EXOSC9: variants seen among roughly 807,000 people sequenced by gnomAD.
The protein encoded by EXOSC9 is exosome component 9, also known as exosome complex component RRP45.
Under a neutral mutation model 56.5 loss-of-function variants are expected in EXOSC9, and 38 were observed. The observed-to-expected ratio is 0.67, with a 90% CI of 0.52 to 0.88. EXOSC9 has a LOEUF of 0.88. Among genes scored for constraint, EXOSC9 ranks in the 40% least tolerant of loss-of-function variants. The probability of loss-of-function intolerance (pLI) is 0.00; values close to 1 mark genes in which losing one functional copy is unlikely to be tolerated. For missense variants in EXOSC9, 559 were observed against 530.5 expected, an observed-to-expected ratio of 1.05 and a Z score of -0.53; for synonymous variants, 170 against 170.8, an observed-to-expected ratio of 0.99 and a Z score of 0.04.
chr4:121,815,798 A>G (rs1724474426), intron 10 of EXOSC9: 1 of 1,015,440 alleles, frequency 9.8e-7, no homozygotes, highest in Non-Finnish European at 1.2e-6. Flanking sequence ...AGTTGTCTCT[A>G]CAAAAGATGC....
Position 121,814,052 on chromosome 4 carries a change from G to T in EXOSC9, c.1156+5G>T. On this transcript the variant is annotated splice_donor_5th_base_variant and intron_variant, in intron 10 of 11. Coordinates refer to ENST00000243498, the MANE Select transcript of EXOSC9 (RefSeq NM_005033.3). ...TCTCTGATATTGGAAGCCAAGGTAG[G>T]TGACACTTTATGGCACACTTACTAT... 1 of 1,571,096 alleles carries T rather than the reference G, an allele frequency of 6.4e-7. No homozygotes were observed. The highest frequency in any genetic ancestry group is 8.6e-7 in the Non-Finnish European group (1 of 1,163,362).
Position 121,801,846 on chromosome 4 carries a change from C to A in EXOSC9, c.86C>A (p.Thr29Asn). 1 of 1,613,676 alleles carries A rather than the reference C, an allele frequency of 6.2e-7. No homozygotes were observed. The highest frequency in any genetic ancestry group is 1.1e-5 in the South Asian group (1 of 91,066). Residue 29 changes from threonine (T) to asparagine (N), a missense_variant, in exon 2 of 12, where the codon ACC (threonine) becomes AAC (asparagine). Thr to Asn is a moderately conservative substitution (Grantham distance 65). Coordinates refer to ENST00000243498, the MANE Select transcript of EXOSC9 (RefSeq NM_005033.3). ...EEKKRLDGRQ[T>N]YDYRNIRISF... is the part of the protein sequence containing the mutation. ...TTACAGCGGCTGGATGGCAGACAAA[C>A]CTATGATTATAGGAACATCAGGATC...
chr4:121,813,200 C>A (rs773357888), intron 8 of EXOSC9, 34 bp from the exon 9 acceptor site: 20 of 1,584,360 alleles, frequency 1.3e-5, no homozygotes, highest in Non-Finnish European at 1.6e-5. Flanking sequence ...CCTTCCTCCC[C>A]CTTCCTTCCC....
rs771187385 is a variant in EXOSC9 at position 121,809,959 on chromosome 4, C to G, written c.606-8C>G. 4 of 1,614,030 alleles carry G rather than the reference C, an allele frequency of 2.5e-6. No individual in the cohort carries two copies. Among genetic ancestry groups the G allele is most frequent in the Middle Eastern group, 1.6e-4 (1 of 6,062 alleles). Reference sequence around the variant, plus strand: ...GATTTGTTCAGGTCCATTTAACATTCATTTCAGAACATATTTATTGGTGGA... The same window carrying G: ...GATTTGTTCAGGTCCATTTAACATTGATTTCAGAACATATTTATTGGTGGA... On this transcript the variant is annotated splice_region_variant and splice_polypyrimidine_tract_variant and intron_variant, in intron 6 of 11. Coordinates refer to ENST00000243498, the MANE Select transcript of EXOSC9 (RefSeq NM_005033.3).
intron 5 of EXOSC9, among the ~76,000 whole-genome samples, chr4:121,807,178 T>C (rs1727045651): frequency 6.6e-6 from 1 of 152,100 alleles, no homozygotes; most frequent in Admixed American, 6.5e-5. Flanking sequence ...TAATCCCACC[T>C]ACTTGGGAGG....
chr4:121,813,866 T>G lies in EXOSC9; in HGVS notation c.975T>G (p.Val325=). ...TACTCAGTTTTCTTAACTTGTTAAG[T>G]GTTTCTACACCTGTGCTATGGACTC... ...IIAEAEPPSE[V]VSTPVLWTPG... is the part of the protein sequence containing the mutation. Residue 325 remains valine (V), a splice_region_variant and synonymous_variant, in exon 10 of 12, where the codon GTT becomes GTG. Transcript: ENST00000243498. 2 of 1,599,054 alleles carry G rather than the reference T, an allele frequency of 1.3e-6. No homozygotes were observed. Among genetic ancestry groups the G allele is most frequent in the Non-Finnish European group, 1.7e-6 (2 of 1,170,958 alleles).
chr4:121,804,650 T>C lies in EXOSC9; in HGVS notation c.413T>C (p.Leu138Ser), dbSNP rs1351577815. The change falls in exon 5 of 12, where the codon TTA becomes TCA. Residue 138 changes from leucine (L) to serine (S), a missense_variant. Physicochemically the swap from Leu to Ser is moderately radical, Grantham distance 145. Coordinates refer to ENST00000243498, the MANE Select transcript of EXOSC9 (RefSeq NM_005033.3). ...KVWQIRVDLH[L>S]LNHDGNIIDA... ...TGGCAAATACGTGTAGACCTACATT[T>C]ATTAAATCATGATGGAAATATTATT... 1 of 1,605,468 alleles carries C rather than the reference T, an allele frequency of 6.2e-7. No homozygotes were observed. Among genetic ancestry groups the C allele is most frequent in the Non-Finnish European group, 8.5e-7 (1 of 1,172,788 alleles).
rs72915963 is a variant in EXOSC9, at chr4:121,816,674, C to T, written c.1236-98C>T. The T allele has an allele frequency of 6.6e-4, 811 of 1,233,940 alleles. 5 individuals carry two copies. In the African/African-American group the frequency reaches 0.012, roughly 18 times the overall value. 76.4% of individuals were successfully genotyped at this position (1,233,940 alleles called of 1,614,324 possible). A position where few individuals can be genotyped will look rare whatever the true frequency, so the allele number is the denominator to read the frequency against. ...ATGCCAGTCTTACTCATAGCTGACA[C>T]ATTTTAGATCCTACTGGAAAACTAA... On this transcript the variant is annotated intron_variant, in intron 11 of 11. Transcript: ENST00000243498.
rs1220942967 is a variant in EXOSC9 at position 121,816,398 on chromosome 4, G to T, written c.1186G>T (p.Glu396Ter). ...DAPIILSDSE[E>*]EEMIILEPDK... ...TCCCATAATACTCTCAGATAGTGAA[G>T]AAGAAGAAATGATCATTTTGGAACC... The change falls in exon 11 of 12, where the codon GAA becomes TAA. Residue 396 changes from glutamate to a stop codon, truncating the protein, a stop_gained. Transcript: ENST00000243498. LOFTEE classifies it high-confidence loss of function. The T allele has an allele frequency of 6.4e-7, 1 of 1,564,898 alleles. No homozygotes were observed. Among genetic ancestry groups the T allele is most frequent in the Admixed American group, 2.0e-5 (1 of 50,586 alleles).
Position 121,816,360 on chromosome 4 carries a change from AAAAC to A in EXOSC9, c.1157-5_1157-2del, listed in dbSNP as rs1724506511. The A allele has an allele frequency of 6.8e-7, 1 of 1,476,070 alleles. No homozygotes were observed. Among genetic ancestry groups the A allele is most frequent in the African/African-American group, 1.4e-5 (1 of 69,302 alleles). The allele number at this position is 1,476,070 out of a possible 1,614,324, so 91.4% of individuals were successfully genotyped here. ...TTTTTTTTTTTTTTAAATTAATAAA[AAAAC>A]AAAGATGCTCCCATAATACTCTCAG... On this transcript the variant is annotated splice_polypyrimidine_tract_variant and splice_region_variant and intron_variant, in intron 10 of 11. Coordinates refer to ENST00000243498, the MANE Select transcript of EXOSC9 (RefSeq NM_005033.3).
intron 6 of EXOSC9, among the ~76,000 whole-genome samples, chr4:121,809,337 T>C (rs940267305): frequency 3.9e-5 from 6 of 152,006 alleles, no homozygotes; most frequent in African/African-American, 1.4e-4. Context: ...AAGGTAAAAT[T>C]AATTTTTATA....
chr4:121,808,699 A>G (rs1178046284), intron 6 of EXOSC9, among the ~76,000 whole-genome samples: 1 of 148,358 alleles, frequency 6.7e-6, no homozygotes. Context: ...TTTTTTTAAG[A>G]CAAGGTCTCC....
At chr4:121,811,187 GCA>G (rs1482986904) in intron 7 of EXOSC9, among the ~76,000 whole-genome samples, 1 of 152,092 alleles carries the variant, frequency 6.6e-6, no homozygotes, top group Non-Finnish European at 1.5e-5. Context: ...TAAATATATT[GCA>G]CAGTGTCTAG....
chr4:121,815,775 G>A lies in EXOSC9; in HGVS notation c.1157-594G>A, dbSNP rs114281460. 3.5e-3 allele frequency: 3,481 copies of A among 1,001,368 alleles called. 14 individuals are homozygous for A. Among genetic ancestry groups the A allele is most frequent in the Admixed American group, 5.3e-3 (89 of 16,726 alleles). 62.0% of individuals were successfully genotyped at this position (1,001,368 alleles called of 1,614,324 possible). A position where few individuals can be genotyped will look rare whatever the true frequency, so the allele number is the denominator to read the frequency against. On this transcript the variant is annotated intron_variant, in intron 10 of 11. Coordinates refer to ENST00000243498, the MANE Select transcript of EXOSC9 (RefSeq NM_005033.3). ...GAACTATTTCTGGAGGAATAGAGTA[G>A]CACAAACAATTCAGTTGTCTCTACA... is the stretch of plus-strand genomic sequence containing the variant.
chr4:121,807,179 A>G (rs1727045814), intron 5 of EXOSC9, among the ~76,000 whole-genome samples: 1 of 152,094 alleles, frequency 6.6e-6, no homozygotes, highest in Non-Finnish European at 1.5e-5. Flanking sequence ...AATCCCACCT[A>G]CTTGGGAGGC....
At chr4:121,802,478 T>A (rs1246710241) in intron 2 of EXOSC9, among the ~76,000 whole-genome samples, 196 bp from the exon 3 acceptor site, 1 of 152,242 alleles carries the variant, frequency 6.6e-6, no homozygotes, top group Non-Finnish European at 1.5e-5. Flanking sequence ...GTGTTTTTTC[T>A]GTCGTGTTTT....
At chr4:121,804,178 T>TAA (rs1578497630) in intron 4 of EXOSC9, among the ~76,000 whole-genome samples, 1 of 64,956 alleles carries the variant, frequency 1.5e-5, no homozygotes, top group African/African-American at 5.9e-5. Flanking sequence ...CTAAAAAACT[T>TAA]TTTTTTTTTT....
At chr4:121,814,777 A>G (rs1724425252) in intron 10 of EXOSC9, 1 of 152,184 alleles carries the variant, frequency 6.6e-6, no homozygotes, top group Non-Finnish European at 1.5e-5. Context: ...TCTATAAGTA[A>G]CTAGAATACT....
Position 121,809,978 on chromosome 4 carries a change from T to G in EXOSC9, c.617T>G (p.Leu206Trp), listed in dbSNP as rs2149037325. 1 of 1,614,150 alleles carries G rather than the reference T, an allele frequency of 6.2e-7. No homozygotes were observed. The highest frequency in any genetic ancestry group is 2.2e-5 in the East Asian group (1 of 44,876). ...AACATTCATTTCAGAACATATTTAT[T>G]GGTGGATCCCAATGAACGAGAAGAA... ...FAFFQQGTYL[L>W]VDPNEREERV... Residue 206 changes from leucine (L) to tryptophan (W), a missense_variant, in exon 7 of 12, where the codon TTG (leucine) becomes TGG (tryptophan). Physicochemically the swap from Leu to Trp is moderately conservative, Grantham distance 61 (BLOSUM62 -2). Transcript: ENST00000243498.
Sources: allele counts gnomAD v4.1 joint callset (sites outside exome capture counted in the v4.1 genomes callset), GRCh38; gene constraint gnomAD v4.1.1; transcripts MANE v1.5; gene names NCBI Gene and HGNC (gene_info 2026-07-23, HGNC 2026-07-21).